TRIM24: variants seen among roughly 807,000 people sequenced by gnomAD.
The protein encoded by TRIM24 is transcription intermediary factor 1-alpha.
Under a neutral mutation model 123.9 loss-of-function variants are expected in TRIM24, and 29 were observed. That is an observed-to-expected ratio of 0.23 (90% CI 0.17 to 0.32). The LOEUF (loss-of-function observed/expected upper bound fraction) is 0.32. Among genes scored for constraint, TRIM24 ranks in the 10% least tolerant of loss-of-function variants. TRIM24 has a pLI of 1.00. For missense variants in TRIM24, 932 were observed against 1,295.3 expected, an observed-to-expected ratio of 0.72 and a Z score of 4.31; for synonymous variants, 456 against 461.1, an observed-to-expected ratio of 0.99 and a Z score of 0.14.
intron 1 of TRIM24, among the ~76,000 whole-genome samples, chr7:138,466,859 A>AT (rs1795153345): frequency 6.6e-6 from 1 of 152,034 alleles, no homozygotes; most frequent in Admixed American, 6.6e-5. Context: ...CTATCTAACA[A>AT]TTTTTTGCCT....
At chr7:138,484,412 GA>G (rs1166377781) in intron 1 of TRIM24, among the ~76,000 whole-genome samples, 14 of 130,412 alleles carry the variant, frequency 1.1e-4, no homozygotes, top group African/African-American at 3.4e-4. Context: ...CCTGGCCTTA[GA>G]TTTTTTTTTT....
At chr7:138,519,063 A>G in intron 3 of TRIM24, 126 bp from the exon 4 acceptor site, 2 of 1,062,192 alleles carry the variant, frequency 1.9e-6, no homozygotes, top group East Asian at 5.4e-5. Context: ...AGTGAAAGTT[A>G]TGGTATAGTA....
intron 2 of TRIM24, among the ~76,000 whole-genome samples, chr7:138,507,871 C>CT (rs2116536441): frequency 6.6e-6 from 1 of 151,840 alleles, no homozygotes; most frequent in Admixed American, 6.6e-5. Flanking sequence ...AAGATGGAGG[C>CT]TGCAGTGAGC....
intron 1 of TRIM24, among the ~76,000 whole-genome samples, chr7:138,469,655 G>A (rs1340269853): frequency 6.6e-6 from 1 of 152,058 alleles, no homozygotes; most frequent in African/African-American, 2.4e-5. Context: ...TCTCCAAAAT[G>A]GCATGACTAA....
At chr7:138,552,708 G>A (rs1219620506) in intron 8 of TRIM24, among the ~76,000 whole-genome samples, 1 of 152,034 alleles carries the variant, frequency 6.6e-6, no homozygotes, top group Non-Finnish European at 1.5e-5. Flanking sequence ...AACCCATAAG[G>A]GAAGAACAAA....
intron 1 of TRIM24, chr7:138,461,228 C>A: frequency 1.6e-6 from 1 of 627,760 alleles, no homozygotes; most frequent in South Asian, 1.4e-5. Context: ...CTCCTGCAGC[C>A]GGAATCTCGG....
At chr7:138,534,755 T>C (rs1796828127) in intron 6 of TRIM24, among the ~76,000 whole-genome samples, 1 of 152,164 alleles carries the variant, frequency 6.6e-6, no homozygotes, top group Admixed American at 6.5e-5. Flanking sequence ...CTGAGTTCAA[T>C]TCCTGGATAT....
chr7:138,500,495 G>A (rs1482144649), intron 1 of TRIM24, among the ~76,000 whole-genome samples: 1 of 151,306 alleles, frequency 6.6e-6, no homozygotes, highest in Admixed American at 6.6e-5. Context: ...CCCGAGAGGT[G>A]GAGGCTACAG....
At chr7:138,470,123 ATTTTTTTTT>A (rs10542175) in intron 1 of TRIM24, among the ~76,000 whole-genome samples, 6,245 of 81,856 alleles carry the variant, frequency 0.076, 481 homozygotes, top group African/African-American at 0.27. Flanking sequence ...TACAAGTATA[ATTTTTTTTT>A]TTTTTTTTTT....
In TRIM24 at chr7:138,551,123, A is replaced by G. The variant is rs775106009; in HGVS notation, c.1204A>G (p.Asn402Asp). 6 of 1,613,942 alleles carry G rather than the reference A, an allele frequency of 3.7e-6. No homozygotes were observed. The Admixed American group carries it at 1.0e-4, about 27-fold the overall frequency. The change falls in exon 8 of 19, where the codon AAC (asparagine) becomes GAC (aspartate). Residue 402 changes from asparagine (N) to aspartate (D), a missense_variant. Asn to Asp is a conservative substitution (Grantham distance 23). This residue lies in a region of TRIM24 where 527 missense variants were observed against 691.3 expected (regional missense o/e 0.76). Coordinates refer to ENST00000343526, the MANE Select transcript of TRIM24 (RefSeq NM_015905.3). ...ARCDASPVTN[N>D]TIQFHCDPSF... ...GTGTGATGCATCCCCAGTGACCAAC[A>G]ACACCATCCAATTTCACTGTGATCC...
intron 3 of TRIM24, among the ~76,000 whole-genome samples, chr7:138,516,384 G>C (rs1247864466): frequency 6.6e-6 from 1 of 152,184 alleles, no homozygotes; most frequent in African/African-American, 2.4e-5. Flanking sequence ...TTTGTTGAGA[G>C]TGAGTCTTGC....
At chr7:138,552,727 C>T (rs143914140) in intron 8 of TRIM24, among the ~76,000 whole-genome samples, 1,567 of 152,084 alleles carry the variant, frequency 0.01, 24 homozygotes, top group African/African-American at 0.035. Flanking sequence ...AAAAGAATCC[C>T]GGAAGCAAAG....
intron 1 of TRIM24, among the ~76,000 whole-genome samples, chr7:138,503,865 CTG>C (rs375013049): frequency 6.6e-6 from 1 of 152,290 alleles, no homozygotes; most frequent in Non-Finnish European, 1.5e-5. Flanking sequence ...GTTTTACACT[CTG>C]TGGAGATTTT....
At chr7:138,504,557 G>T in intron 2 of TRIM24, 149 bp downstream of exon 2, 1 of 474,272 alleles carries the variant, frequency 2.1e-6, no homozygotes, top group South Asian at 5.3e-5. Context: ...CCTCCCCACA[G>T]GTTCACACCA....
At chr7:138,506,782 G>C (rs1298043682) in intron 2 of TRIM24, among the ~76,000 whole-genome samples, 1 of 152,174 alleles carries the variant, frequency 6.6e-6, no homozygotes, top group Non-Finnish European at 1.5e-5. Flanking sequence ...ATGGGTTAGG[G>C]TAGGAAATGT....
At chr7:138,516,828 T>C (rs1408750878) in intron 3 of TRIM24, among the ~76,000 whole-genome samples, 1 of 151,328 alleles carries the variant, frequency 6.6e-6, no homozygotes, top group Non-Finnish European at 1.5e-5. Context: ...TTTTTTTTTT[T>C]TGAGACTAGT....
Position 138,462,857 on chromosome 7 carries a change from C to CTTAT in TRIM24, c.364+1964_364+1967dup, listed in dbSNP as rs1006861663. Among the ~76,000 whole-genome samples the CTTAT allele has an allele frequency of 2.1e-4, 32 of 151,320 alleles. No homozygotes were observed. In the East Asian group the frequency reaches 3.1e-3, roughly 15 times the overall value. ...ACAGGTGAAAGCTTAAACCTTAGTT[C>CTTAT]TTATTTATTTATTTATTTATTTTTT... On this transcript the variant is annotated intron_variant, in intron 1 of 18. Transcript: ENST00000343526.
intron 2 of TRIM24, among the ~76,000 whole-genome samples, chr7:138,508,692 T>TGTGTGTGTGTGCGCGCGCGCGCGC (rs1422176564): frequency 4.4e-5 from 6 of 137,212 alleles, no homozygotes; most frequent in African/African-American, 1.7e-4. Flanking sequence ...TGTGTGTGTG[T>TGTGTGTGTGTGCGCGCGCGCGCGC]GCGCGCGCGT....
intron 1 of TRIM24, among the ~76,000 whole-genome samples, chr7:138,489,944 G>T (rs995057892): frequency 1.3e-5 from 2 of 152,184 alleles, no homozygotes; most frequent in Non-Finnish European, 2.9e-5. Flanking sequence ...CCCGAAGAGT[G>T]TTTTCCAGCT....
Sources: allele counts gnomAD v4.1 joint callset (sites outside exome capture counted in the v4.1 genomes callset), GRCh38; gene constraint gnomAD v4.1.1; regional missense constraint gnomAD v4.1.1; transcripts MANE v1.5; gene names NCBI Gene and HGNC (gene_info 2026-07-23, HGNC 2026-07-21).